The following TCF4 variants were observed in gnomAD, a reference collection of about 807,000 sequenced individuals.
TCF4 encodes the protein SL3-3 enhancer factor 2.
A neutral mutation model predicts 82.1 loss-of-function variants in TCF4; 3 were observed. The ratio of observed to expected loss-of-function variants is 0.04; its 90% CI spans 0.02 to 0.09. The LOEUF (loss-of-function observed/expected upper bound fraction) is 0.09, where lower values mean the gene tolerates loss of function less well. Ranked by LOEUF, TCF4 falls within the 10% of genes least tolerant of loss-of-function variation. The probability of loss-of-function intolerance (pLI) is 1.00; values close to 1 mark genes in which losing one functional copy is unlikely to be tolerated. For synonymous variants in TCF4, 276 were observed against 309.6 expected, an observed-to-expected ratio of 0.89 and a Z score of 1.14; for missense variants, 518 against 852.7, an observed-to-expected ratio of 0.61 and a Z score of 4.89.
chr18:55,277,810 T>C (rs149931393), intron 9 of TCF4, among the ~76,000 whole-genome samples: 1 of 152,306 alleles, frequency 6.6e-6, no homozygotes, highest in African/African-American at 2.4e-5. Flanking sequence ...AAATCTGTTT[T>C]GAGTGATGGA....
intron 2 of TCF4, among the ~76,000 whole-genome samples, chr18:55,617,575 TTTTCA>T (rs1272367576): frequency 1.3e-5 from 2 of 152,154 alleles, no homozygotes; most frequent in African/African-American, 4.8e-5. Flanking sequence ...ATGGGATAGC[TTTTCA>T]TTTATTTGTG....
At chr18:55,256,676 T>A (rs2056923669) in intron 14 of TCF4, among the ~76,000 whole-genome samples, 1 of 152,116 alleles carries the variant, frequency 6.6e-6, no homozygotes, top group Admixed American at 6.6e-5. Context: ...TTACTGCTAT[T>A]CCTTCCCGCT....
chr18:55,288,173 A>G (rs1191563183), intron 8 of TCF4, among the ~76,000 whole-genome samples: 2 of 152,168 alleles, frequency 1.3e-5, no homozygotes, highest in African/African-American at 2.4e-5. Context: ...AACATTTGAG[A>G]TTTAAGCTAT....
At chr18:55,601,039 G>C (rs972130610) in intron 2 of TCF4, among the ~76,000 whole-genome samples, 3 of 152,112 alleles carry the variant, frequency 2.0e-5, no homozygotes, top group African/African-American at 7.2e-5. Flanking sequence ...ATCACCCTCA[G>C]ATACAGAGAA....
intron 5 of TCF4, among the ~76,000 whole-genome samples, chr18:55,448,726 T>C (rs1162612435): frequency 1.3e-5 from 2 of 152,216 alleles, no homozygotes; most frequent in Non-Finnish European, 2.9e-5. Flanking sequence ...AGATAGTGAG[T>C]ACTCTCTCTT....
intron 2 of TCF4, among the ~76,000 whole-genome samples, chr18:55,615,633 A>G (rs1311086662): frequency 6.6e-6 from 1 of 152,120 alleles, no homozygotes; most frequent in Non-Finnish European, 1.5e-5. Context: ...GTCTTTCACT[A>G]TTAAGTGTGA....
rs1000739330 is a variant in TCF4 at position 55,577,782 on chromosome 18, A to T, written c.145+7498T>A. Among the ~76,000 whole-genome samples, 3 of 152,170 alleles carry T rather than the reference A, an allele frequency of 2.0e-5. No homozygotes were observed. In the South Asian group the frequency reaches 6.2e-4, roughly 31 times the overall value. Reference sequence around the variant, plus strand: ...AGCAAAGCAGAACATTCTAAGGGGTATCCTGTAATGGGGCTTTGTCACCAC... The same window carrying T: ...AGCAAAGCAGAACATTCTAAGGGGTTTCCTGTAATGGGGCTTTGTCACCAC... On this transcript the variant is annotated intron_variant, in intron 3 of 19. Transcript: ENST00000354452.
chr18:55,254,043 TA>T (rs1376518195), intron 15 of TCF4, among the ~76,000 whole-genome samples: 3 of 152,150 alleles, frequency 2.0e-5, no homozygotes, highest in Non-Finnish European at 4.4e-5. Context: ...TATTTGACAA[TA>T]AAAATGAATA....
At chr18:55,535,444 A>T (rs919855440) in intron 3 of TCF4, among the ~76,000 whole-genome samples, 1 of 152,242 alleles carries the variant, frequency 6.6e-6, no homozygotes, top group African/African-American at 2.4e-5. Context: ...AAAATGTGTA[A>T]GCCTAGATTT....
At chr18:55,425,435 T>C (rs1416967466) in intron 5 of TCF4, among the ~76,000 whole-genome samples, 1 of 151,506 alleles carries the variant, frequency 6.6e-6, no homozygotes, top group Non-Finnish European at 1.5e-5. Flanking sequence ...AAGTATTGAA[T>C]GAATCTTTCC....
At chr18:55,503,506 C>T (rs1254981416) in intron 3 of TCF4, among the ~76,000 whole-genome samples, 2 of 152,080 alleles carry the variant, frequency 1.3e-5, no homozygotes, top group Admixed American at 6.5e-5. Context: ...TAAACTGAGC[C>T]CAAGAGGGTA....
intron 3 of TCF4, among the ~76,000 whole-genome samples, chr18:55,579,898 A>G (rs774960034): frequency 6.6e-5 from 10 of 152,086 alleles, no homozygotes; most frequent in Non-Finnish European, 1.5e-4. Context: ...TGTTTATATG[A>G]CAGTCTTTAC....
chr18:55,583,426 T>C (rs1335571460), intron 3 of TCF4, among the ~76,000 whole-genome samples: 1 of 152,150 alleles, frequency 6.6e-6, no homozygotes, highest in African/African-American at 2.4e-5. Flanking sequence ...CCAAAATGCA[T>C]TAATACATAT....
At chr18:55,254,354 G>T in intron 15 of TCF4, 143 bp downstream of exon 15, 1 of 770,896 alleles carries the variant, frequency 1.3e-6, no homozygotes, top group Non-Finnish European at 2.2e-6. Flanking sequence ...CACTTGAATT[G>T]TACACCTGAA....
chr18:55,279,684 G>A, intron 8 of TCF4, 28 bp from the exon 9 acceptor site: 3 of 1,613,586 alleles, frequency 1.9e-6, no homozygotes, highest in Non-Finnish European at 2.5e-6. Context: ...ACTGAGTTTT[G>A]CTTTTTGCAT....
exon 2 of TCF4, chr18:55,631,362 C>T (rs1187119187): frequency 6.5e-7 from 1 of 1,548,296 alleles, no homozygotes; most frequent in Non-Finnish European, 8.7e-7. Flanking sequence ...AGATAATGTT[C>T]TTAGATTGGT....
intron 2 of TCF4, among the ~76,000 whole-genome samples, chr18:55,610,112 T>C: frequency 6.6e-6 from 1 of 152,212 alleles, no homozygotes; most frequent in East Asian, 1.9e-4. Flanking sequence ...ATTTTTGGAA[T>C]GAGTGAATGA....
At chr18:55,618,881 C>G (rs1288294142) in intron 2 of TCF4, among the ~76,000 whole-genome samples, 2 of 152,106 alleles carry the variant, frequency 1.3e-5, no homozygotes, top group Non-Finnish European at 2.9e-5. Context: ...GTTGCCTTGC[C>G]TGACCTCTAT....
intron 15 of TCF4, among the ~76,000 whole-genome samples, chr18:55,242,375 T>C (rs191261775): frequency 6.6e-6 from 1 of 150,748 alleles, no homozygotes; most frequent in Admixed American, 6.6e-5. Flanking sequence ...CACGGGAGTG[T>C]AATAGTACAA....
Sources: gnomAD v4.1 joint callset for allele counts (sites outside exome capture counted in the v4.1 genomes callset) on GRCh38, gnomAD v4.1.1 for gene constraint, MANE v1.5 for transcripts, NCBI Gene and HGNC (gene_info 2026-07-23, HGNC 2026-07-21) for gene names.